The following CNGA3 variants were observed in gnomAD, a reference collection of about 807,000 sequenced individuals.
CNGA3 encodes cyclic nucleotide-gated channel alpha-3.
CNGA3 carries 42 observed loss-of-function variants against 46.6 expected under a neutral mutation model. The ratio of observed to expected loss-of-function variants is 0.90; its 90% CI spans 0.70 to 1.17. The LOEUF (loss-of-function observed/expected upper bound fraction) is 1.17. Among genes scored for constraint, CNGA3 ranks in the 50% most tolerant of loss-of-function variants. The probability of loss-of-function intolerance (pLI) is 0.00; values close to 1 mark genes in which losing one functional copy is unlikely to be tolerated. For synonymous variants in CNGA3, 394 were observed against 369.4 expected (o/e 1.07, Z -0.76); for missense variants, 893 against 890.7 (o/e 1.00, Z -0.03).
intron 1 of CNGA3, among the ~76,000 whole-genome samples, chr2:98,354,055 G>A (rs1691825161): frequency 6.6e-6 from 1 of 152,178 alleles, no homozygotes; most frequent in African/African-American, 2.4e-5. Flanking sequence ...AGATTTGGGA[G>A]GGGACATAGA....
At chr2:98,383,663 T>C (rs1212932893) in intron 5 of CNGA3, among the ~76,000 whole-genome samples, 1 of 152,244 alleles carries the variant, frequency 6.6e-6, no homozygotes, top group Non-Finnish European at 1.5e-5. Flanking sequence ...GTCTGATCTC[T>C]TCGCCTCTCA....
At chr2:98,367,688 G>A (rs941782644) in intron 1 of CNGA3, among the ~76,000 whole-genome samples, 1 of 152,008 alleles carries the variant, frequency 6.6e-6, no homozygotes, top group Non-Finnish European at 1.5e-5. Context: ...AGCTGTTGGG[G>A]CACTGTGTTC....
intron 2 of CNGA3, among the ~76,000 whole-genome samples, chr2:98,374,549 A>G (rs1328482927): frequency 6.6e-6 from 1 of 152,130 alleles, no homozygotes; most frequent in African/African-American, 2.4e-5. Flanking sequence ...CTCATTTTCC[A>G]TTCCTGCATT....
At position 98,366,192 on chromosome 2, in the gene CNGA3, C is replaced by T. The variant is rs556516483; in HGVS notation, c.-37-3747C>T. Among the ~76,000 whole-genome samples, 4 of 152,322 alleles carry T rather than the reference C, an allele frequency of 2.6e-5. No homozygotes were observed. In the East Asian group the frequency reaches 7.7e-4, roughly 29 times the overall value. ...GTTTGCTGGGGATCCTCTCCAGACC[C>T]CATTCACCTGGATCCCTCCTGCCCC... On this transcript the variant is annotated intron_variant, in intron 1 of 7. Coordinates refer to ENST00000272602, the MANE Select transcript of CNGA3 (RefSeq NM_001298.3).
chr2:98,349,276 A>C (rs551689856), intron 1 of CNGA3, among the ~76,000 whole-genome samples: 8 of 152,022 alleles, frequency 5.3e-5, no homozygotes, highest in Non-Finnish European at 7.4e-5. Flanking sequence ...CAAAAAAAAA[A>C]CCAAATGTAC....
At chr2:98,347,973 C>T (rs1319987044) in intron 1 of CNGA3, among the ~76,000 whole-genome samples, 1 of 152,136 alleles carries the variant, frequency 6.6e-6, no homozygotes, top group Non-Finnish European at 1.5e-5. Context: ...GTGGTTGGGC[C>T]GGGAGAGGAG....
chr2:98,371,568 A>G (rs1692289470), intron 2 of CNGA3, among the ~76,000 whole-genome samples: 1 of 152,148 alleles, frequency 6.6e-6, no homozygotes, highest in Admixed American at 6.5e-5. Context: ...TCCTCCAACC[A>G]TTTTAACTCG....
chr2:98,356,231 C>A (rs1038402339), intron 1 of CNGA3, among the ~76,000 whole-genome samples: 1 of 152,134 alleles, frequency 6.6e-6, no homozygotes, highest in Non-Finnish European at 1.5e-5. Flanking sequence ...TTTGATGAAG[C>A]GAGCCTGCCC....
intron 4 of CNGA3, among the ~76,000 whole-genome samples, chr2:98,381,593 G>C (rs960930488): frequency 6.6e-6 from 1 of 152,200 alleles, no homozygotes; most frequent in African/African-American, 2.4e-5. Context: ...TTTTAAGATG[G>C]AATATGAGAG....
intron 1 of CNGA3, among the ~76,000 whole-genome samples, chr2:98,358,658 C>A (rs1691947239): frequency 6.6e-6 from 1 of 152,130 alleles, no homozygotes; most frequent in Non-Finnish European, 1.5e-5. Context: ...GATATAACAA[C>A]CAATCAACAA....
chr2:98,354,900 T>C (rs1691845682), intron 1 of CNGA3, among the ~76,000 whole-genome samples: 1 of 152,246 alleles, frequency 6.6e-6, no homozygotes, highest in Non-Finnish European at 1.5e-5. Flanking sequence ...CCAATCTATT[T>C]TTTCTTTTAT....
At chr2:98,385,052 A>G (rs116318176) in intron 5 of CNGA3, among the ~76,000 whole-genome samples, 3,481 of 152,246 alleles carry the variant, frequency 0.023, 128 homozygotes, top group African/African-American at 0.08. Flanking sequence ...AGCATTTTGC[A>G]GTTCTGTGTA....
intron 7 of CNGA3, among the ~76,000 whole-genome samples, chr2:98,393,263 A>G (rs1692833099): frequency 6.6e-6 from 1 of 152,204 alleles, no homozygotes; most frequent in Admixed American, 6.5e-5. Context: ...ATGCTATGCC[A>G]TAGCTGTTGA....
chr2:98,383,980 G>A (rs1009021070), intron 5 of CNGA3, among the ~76,000 whole-genome samples: 3 of 152,008 alleles, frequency 2.0e-5, no homozygotes, highest in African/African-American at 7.2e-5. Flanking sequence ...TCCGCCTCCC[G>A]GGTTCACGCC....
At chr2:98,390,602 G>A (rs1055880517) in intron 6 of CNGA3, among the ~76,000 whole-genome samples, 4 of 152,180 alleles carry the variant, frequency 2.6e-5, no homozygotes, top group Admixed American at 1.3e-4. Context: ...CAGAGGGAAC[G>A]TTCCTGAGCA....
intron 6 of CNGA3, among the ~76,000 whole-genome samples, chr2:98,390,829 C>T (rs1393896406): frequency 6.6e-6 from 1 of 152,158 alleles, no homozygotes; most frequent in South Asian, 2.1e-4. Context: ...TGAGGGTACA[C>T]GGGAGGGCTT....
At position 98,389,712 on chromosome 2, in the gene CNGA3, CT is replaced by C; in HGVS notation, c.505del (p.Tyr169ThrfsTer4). 1 of 1,613,802 alleles carries C rather than the reference CT, an allele frequency of 6.2e-7. No homozygotes were observed. The highest frequency in any genetic ancestry group is 8.5e-7 in the Non-Finnish European group (1 of 1,180,042). On this transcript the variant is annotated frameshift_variant, in exon 6 of 8. Coordinates refer to ENST00000272602, the MANE Select transcript of CNGA3 (RefSeq NM_001298.3). LOFTEE classifies it high-confidence loss of function. ...TGGTGGACCCGTCCAGCAACCTGTA[CT>C]ACCGCTGGCTGACCGCCATCGCCCT... ...IVVDPSSNLY[Y>X]RWLTAIALPV...
chr2:98,369,944 A>T lies in CNGA3; in HGVS notation c.-32A>T. On this transcript the variant is annotated 5_prime_UTR_variant, in exon 2 of 8. Transcript: ENST00000272602. ...GCTTTGTGTTCACATTTTAGCAATC[A>T]TCTGGGGGGCTAAATGTGACAAACC... 1 of 1,569,530 alleles carries T rather than the reference A, an allele frequency of 6.4e-7. No homozygotes were observed. The highest frequency in any genetic ancestry group is 8.8e-7 in the Non-Finnish European group (1 of 1,141,370).
At chr2:98,354,959 C>T (rs977202547) in intron 1 of CNGA3, among the ~76,000 whole-genome samples, 1 of 152,004 alleles carries the variant, frequency 6.6e-6, no homozygotes, top group Non-Finnish European at 1.5e-5. Context: ...TCATGGATAC[C>T]CTTTGTTAGG....
Sources: allele counts gnomAD v4.1 joint callset (sites outside exome capture counted in the v4.1 genomes callset), GRCh38; gene constraint gnomAD v4.1.1; transcripts MANE v1.5; gene names NCBI Gene and HGNC (gene_info 2026-07-23, HGNC 2026-07-21).